The following TAFAZZIN variants were observed in gnomAD, a reference collection of about 807,000 sequenced individuals.
The protein encoded by TAFAZZIN is tafazzin, phospholipid-lysophospholipid transacylase, also known as protein G4.5.
Under a neutral mutation model 27.3 loss-of-function variants are expected in TAFAZZIN, and 6 were observed. The observed-to-expected ratio is 0.22, with a 90% CI of 0.12 to 0.43. The LOEUF (loss-of-function observed/expected upper bound fraction) is 0.43. Among genes scored for constraint, TAFAZZIN ranks in the 20% least tolerant of loss-of-function variants. The pLI is 1.00. For synonymous variants in TAFAZZIN, 79 were observed against 96.2 expected (o/e 0.82, Z 1.04); for missense variants, 127 against 244.5 (o/e 0.52, Z 3.21).
At chrX:154,413,184 A>G (rs782219736) in intron 2 of TAFAZZIN, 23 bp from the exon 3 acceptor site, 1 of 1,212,092 alleles carries the variant, frequency 8.3e-7, no homozygotes. Context: ...AAGTTGGGGC[A>G]TGAAGCCTTT....
At position 154,420,735 on chromosome X, in the gene TAFAZZIN, T is replaced by G; in HGVS notation, c.777T>G (p.Ala259=). The G allele has an allele frequency of 8.3e-7, 1 of 1,211,354 alleles. No homozygotes were observed. ...LERLRAENKS[A]VEMRKALTDF... ...GGCTCCGGGCGGAGAACAAGTCGGC[T>G]GTGAGTTTCCTCCTGGGTCCCCCGT... The change falls in exon 10 of 11, where the codon GCT becomes GCG. Residue 259 remains alanine, a splice_region_variant and synonymous_variant. Transcript: ENST00000601016.
intron 5 of TAFAZZIN, 119 bp downstream of exon 5, chrX:154,414,309 CTT>C (rs2068418137): frequency 3.9e-6 from 2 of 515,425 alleles, no homozygotes; most frequent in Admixed American, 6.8e-5. Flanking sequence ...GACCCTGTCT[CTT>C]TAAAAATAAA....
At chrX:154,420,138 G>C (rs1167359181) in intron 8 of TAFAZZIN, 44 bp downstream of exon 8, 9 of 1,207,033 alleles carry the variant, frequency 7.5e-6, no homozygotes, top group Non-Finnish European at 9.0e-6. Context: ...CTGGGGTGGG[G>C]GGCCTGGGAC....
intron 5 of TAFAZZIN, among the ~76,000 whole-genome samples, chrX:154,416,320 C>G (rs1265095486): frequency 1.8e-5 from 2 of 111,096 alleles, no homozygotes; most frequent in Non-Finnish European, 3.8e-5. Flanking sequence ...TGGCACAAAC[C>G]CGGGAGGCGG....
rs1371692829 is a variant in TAFAZZIN, at chrX:154,411,610, C to T, written c.-234C>T. The T allele has an allele frequency of 2.2e-6, 1 of 451,963 alleles. No homozygotes were observed. Among genetic ancestry groups the T allele is most frequent in the African/African-American group, 2.5e-5 (1 of 39,673 alleles). The allele number at this position is 451,963 out of a possible 1,213,427, so 37.2% of individuals were successfully genotyped here. Reference sequence around the variant, plus strand: ...CGTTTCCTCCCGTTCCGCAGCGCGCCCACGGCCTGTGACCCCGGCGACCGC... The same window carrying T: ...CGTTTCCTCCCGTTCCGCAGCGCGCTCACGGCCTGTGACCCCGGCGACCGC... On this transcript the variant is annotated 5_prime_UTR_variant, in exon 1 of 11. Coordinates refer to ENST00000601016, the MANE Select transcript of TAFAZZIN (RefSeq NM_000116.5).
intron 5 of TAFAZZIN, among the ~76,000 whole-genome samples, chrX:154,414,614 C>T (rs1343940830): frequency 1.9e-5 from 2 of 107,965 alleles, no homozygotes; most frequent in African/African-American, 6.8e-5. Context: ...ATGGCGTGAA[C>T]CCGGAAGGTG....
intron 5 of TAFAZZIN, chrX:154,419,046 C>T (rs1392939060): frequency 1.3e-5 from 2 of 153,046 alleles, no homozygotes; most frequent in Non-Finnish European, 2.5e-5. Context: ...CATGAGGCTC[C>T]GAGAGCGGTC....
intron 7 of TAFAZZIN, 126 bp from the exon 8 acceptor site, chrX:154,419,906 C>T (rs1156628093): frequency 1.4e-5 from 15 of 1,092,894 alleles, no homozygotes; most frequent in Non-Finnish European, 1.8e-5. Flanking sequence ...CTGCCTCTCG[C>T]AGGGGCTTGC....
At chrX:154,413,113 G>A (rs2068367346) in intron 2 of TAFAZZIN, 94 bp from the exon 3 acceptor site, 1 of 1,138,960 alleles carries the variant, frequency 8.8e-7, no homozygotes, top group African/African-American at 1.8e-5. Flanking sequence ...GGAAATGGTA[G>A]TGCTGCTGTC....
chrX:154,414,302 C>A, intron 5 of TAFAZZIN, 112 bp downstream of exon 5: 2 of 541,261 alleles, frequency 3.7e-6, no homozygotes, highest in Admixed American at 6.4e-5. Context: ...ATAGTAAGAC[C>A]CTGTCTCTTT....
At position 154,421,087 on chromosome X, in the gene TAFAZZIN, CT is replaced by C; in HGVS notation, c.*87del. 1 of 940,865 alleles carries C rather than the reference CT, an allele frequency of 1.1e-6. No homozygotes were observed. The highest frequency in any genetic ancestry group is 1.5e-6 in the Non-Finnish European group (1 of 663,515). 77.5% of individuals were successfully genotyped at this position (940,865 alleles called of 1,213,427 possible). ...ACTGATGCTTTTAGCTCAAACGTGGCTTTTAGACAGATTTGTTCATAGACCC... is the reference window on the plus strand; with the variant it reads ...ACTGATGCTTTTAGCTCAAACGTGGCTTTAGACAGATTTGTTCATAGACCC... On this transcript the variant is annotated 3_prime_UTR_variant, in exon 11 of 11. Transcript: ENST00000601016.
intron 5 of TAFAZZIN, among the ~76,000 whole-genome samples, chrX:154,415,279 G>T (rs1410713427): frequency 9.2e-6 from 1 of 108,920 alleles, no homozygotes; most frequent in Non-Finnish European, 1.9e-5. Flanking sequence ...TAGAGTTGGG[G>T]TCTTACTACA....
rs2068622380 is a variant in TAFAZZIN, at chrX:154,421,290, G to A, written c.*286G>A. ...TCCCAGGGGCTGGCTTCAGGAGGGA[G>A]CATAGAAGGCAGGTGAGCAACCAGT... On this transcript the variant is annotated 3_prime_UTR_variant, in exon 11 of 11. Coordinates refer to ENST00000601016, the MANE Select transcript of TAFAZZIN (RefSeq NM_000116.5). 1 of 442,329 alleles carries A rather than the reference G, an allele frequency of 2.3e-6. No individual in the cohort carries two copies. 36.5% of individuals were successfully genotyped at this position (442,329 alleles called of 1,213,427 possible). A position where few individuals can be genotyped will look rare whatever the true frequency, so the allele number is the denominator to read the frequency against.
At chrX:154,413,722 G>A (rs1330163382) in intron 4 of TAFAZZIN, 155 bp downstream of exon 4, 3 of 517,252 alleles carry the variant, frequency 5.8e-6, no homozygotes, top group African/African-American at 4.7e-5. Flanking sequence ...GACAGAGGCT[G>A]TGGGAGGAGG....
In TAFAZZIN at chrX:154,421,034, C is replaced by A. The variant is rs782424664; in HGVS notation, c.*30C>A. On this transcript the variant is annotated 3_prime_UTR_variant, in exon 11 of 11. Coordinates refer to ENST00000601016, the MANE Select transcript of TAFAZZIN (RefSeq NM_000116.5). ...TGCTTGCTGCCTTCTGGATTCTTGG[C>A]CCGCACAGAGCTGGGGCTGAGGGAT... 8.6e-7 allele frequency: 1 copy of A among 1,165,055 alleles called. No individual in the cohort carries two copies. Among genetic ancestry groups the A allele is most frequent in the Admixed American group, 2.2e-5 (1 of 45,759 alleles).
At position 154,420,750 on chromosome X, in the gene TAFAZZIN, G is replaced by A; in HGVS notation, c.777+15G>A. 1 of 1,210,363 alleles carries A rather than the reference G, an allele frequency of 8.3e-7. No individual in the cohort carries two copies. The highest frequency in any genetic ancestry group is 1.7e-5 in the African/African-American group (1 of 57,613). On this transcript the variant is annotated intron_variant, in intron 10 of 10. Coordinates refer to ENST00000601016, the MANE Select transcript of TAFAZZIN (RefSeq NM_000116.5). Reference sequence around the variant, plus strand: ...ACAAGTCGGCTGTGAGTTTCCTCCTGGGTCCCCCGTAGCTGTCCCCGGACC... The same window carrying A: ...ACAAGTCGGCTGTGAGTTTCCTCCTAGGTCCCCCGTAGCTGTCCCCGGACC...
chrX:154,417,827 C>T (rs1044200659), intron 5 of TAFAZZIN, among the ~76,000 whole-genome samples: 2 of 112,128 alleles, frequency 1.8e-5, no homozygotes, highest in Non-Finnish European at 3.8e-5. Context: ...CCAACCTGCT[C>T]TGAGAGATGG....
In TAFAZZIN at chrX:154,411,835, C is replaced by T; in HGVS notation, c.-9C>T. ...GGCGCTGGGAGCGCCGGCCGCGGGC[C>T]GGGTGGGGATGCCTCTGCACGTGAA... is the stretch of plus-strand genomic sequence containing the variant. On this transcript the variant is annotated 5_prime_UTR_variant, in exon 1 of 11. Transcript: ENST00000601016. The T allele has an allele frequency of 8.5e-7, 1 of 1,180,231 alleles. No homozygotes were observed.
intron 9 of TAFAZZIN, 113 bp from the exon 10 acceptor site, chrX:154,420,544 TG>T: frequency 1.1e-6 from 1 of 883,590 alleles, no homozygotes; most frequent in Non-Finnish European, 1.7e-6. Context: ...GAGTGGCCCC[TG>T]GGGAGTGTGT....
Sources: allele counts gnomAD v4.1 joint callset (sites outside exome capture counted in the v4.1 genomes callset), GRCh38; gene constraint gnomAD v4.1.1; transcripts MANE v1.5; gene names NCBI Gene and HGNC (gene_info 2026-07-23, HGNC 2026-07-21).